The following RWDD3 variants were observed in gnomAD, a reference collection of about 807,000 sequenced individuals.
RWDD3 encodes the protein RWD domain containing 3.
Under a neutral mutation model 26.5 loss-of-function variants are expected in RWDD3, and 30 were observed. The observed-to-expected ratio is 1.13, with a 90% confidence interval of 0.85 to 1.54. The LOEUF (loss-of-function observed/expected upper bound fraction) is 1.54. Ranked by LOEUF, RWDD3 falls within the 40% of genes most tolerant of loss-of-function variation. The pLI is 0.00. For missense variants in RWDD3, 296 were observed against 309.1 expected (o/e 0.96, Z 0.32); for synonymous variants, 113 against 114.5 (o/e 0.99, Z 0.09).
At chr1:95,239,423 T>A (rs932925040) in intron 1 of RWDD3, among the ~76,000 whole-genome samples, 1 of 152,168 alleles carries the variant, frequency 6.6e-6, no homozygotes, top group African/African-American at 2.4e-5. Context: ...GTCAAGCAGA[T>A]GAGATATGGA....
At chr1:95,243,734 A>G (rs981948564) in intron 1 of RWDD3, among the ~76,000 whole-genome samples, 1 of 152,196 alleles carries the variant, frequency 6.6e-6, no homozygotes, top group Non-Finnish European at 1.5e-5. Flanking sequence ...CTGCAACCCT[A>G]CAACCACAGG....
intron 1 of RWDD3, chr1:95,243,169 T>C (rs79166260): frequency 6.6e-6 from 1 of 152,150 alleles, no homozygotes; most frequent in Non-Finnish European, 1.5e-5. Context: ...ATGTGTCTGG[T>C]CCTGTATGAA....
rs759009767 is a variant in RWDD3, at chr1:95,234,327, C to T, written c.85+12C>T. ...GCTGAGCCGCTCAGGTGACTACCCG[C>T]GCGCGGGAGGGACAGGGCGCCCTCA... On this transcript the variant is annotated intron_variant, in intron 1 of 3. Coordinates refer to ENST00000370202, the MANE Select transcript of RWDD3 (RefSeq NM_015485.5). The T allele has an allele frequency of 1.9e-6, 3 of 1,582,486 alleles. No individual in the cohort carries two copies. The highest frequency in any genetic ancestry group is 1.2e-5 in the South Asian group (1 of 86,512).
chr1:95,243,833 G>A (rs537704805), intron 1 of RWDD3, among the ~76,000 whole-genome samples: 1 of 152,208 alleles, frequency 6.6e-6, no homozygotes, highest in African/African-American at 2.4e-5. Context: ...TACTGATTTT[G>A]TATATATGTG....
chr1:95,241,235 A>G (rs1236437276), intron 1 of RWDD3, among the ~76,000 whole-genome samples: 1 of 152,172 alleles, frequency 6.6e-6, no homozygotes, highest in South Asian at 2.1e-4. Context: ...TCACTAACAC[A>G]CTTCCATGGA....
intron 1 of RWDD3, 49 bp downstream of exon 1, chr1:95,234,364 C>CA (rs1680188608): frequency 1.3e-6 from 2 of 1,526,240 alleles, no homozygotes; most frequent in African/African-American, 2.7e-5. Flanking sequence ...GGGCCACCCG[C>CA]GTTCGCTTTG....
chr1:95,234,506 C>T (rs1274483063), intron 1 of RWDD3, among the ~76,000 whole-genome samples, 191 bp downstream of exon 1: 1 of 152,070 alleles, frequency 6.6e-6, no homozygotes, highest in East Asian at 1.9e-4. Flanking sequence ...GAGGCGACCC[C>T]AGAAACACTA....
chr1:95,239,777 G>C lies in RWDD3; in HGVS notation c.86-4434G>C, dbSNP rs968307419. On this transcript the variant is annotated intron_variant, in intron 1 of 3. Transcript: ENST00000370202. The stretch of plus-strand genomic sequence containing the variant: ...CATTGCTATTCTGTTTGCTGACTAG[G>C]ACCAGAAAATAACACAGAGAAAAAT... The C allele has an allele frequency of 7.0e-6, 9 of 1,280,156 alleles. No individual in the cohort carries two copies. The Admixed American group carries it at 7.1e-5, about 10-fold the overall frequency. 79.3% of individuals were successfully genotyped at this position (1,280,156 alleles called of 1,614,324 possible).
chr1:95,234,520 G>C (rs1327110464), intron 1 of RWDD3, among the ~76,000 whole-genome samples: 1 of 152,024 alleles, frequency 6.6e-6, no homozygotes, highest in Admixed American at 6.5e-5. Flanking sequence ...AACACTAAGA[G>C]AGCGGCGCGG....
intron 1 of RWDD3, 61 bp from the exon 2 acceptor site, chr1:95,244,150 G>C: frequency 6.5e-7 from 1 of 1,545,144 alleles, no homozygotes; most frequent in Non-Finnish European, 8.7e-7. Flanking sequence ...GTTTGAACTT[G>C]CTGGTGTTCC....
In RWDD3 at chr1:95,246,545, T is replaced by C. The variant is rs535377737; in HGVS notation, c.577T>C (p.Tyr193His). 1 of 1,557,586 alleles carries C rather than the reference T, an allele frequency of 6.4e-7. No individual in the cohort carries two copies. Among genetic ancestry groups the C allele is most frequent in the African/African-American group, 1.4e-5 (1 of 73,604 alleles). ...AATGTACTGATTTATTATTTAGGAG[T>C]ACTTGATTCTTCAGAAAACCTCCAA... The part of the protein sequence containing the change: ...LQGDRNNLKE[Y>H]LILQKTSKVD... Residue 193 changes from tyrosine to histidine, a missense_variant, in exon 3 of 4, where the codon TAC becomes CAC. Tyr to His is a moderately conservative substitution (Grantham distance 83). Transcript: ENST00000370202.
chr1:95,236,959 G>T (rs908926962), intron 1 of RWDD3, among the ~76,000 whole-genome samples: 38 of 152,116 alleles, frequency 2.5e-4, no homozygotes, highest in African/African-American at 9.2e-4. Flanking sequence ...CCCTTTATCT[G>T]CTGTTAAATT....
At chr1:95,241,083 C>T (rs1680599041) in intron 1 of RWDD3, among the ~76,000 whole-genome samples, 1 of 151,524 alleles carries the variant, frequency 6.6e-6, no homozygotes, top group African/African-American at 2.4e-5. Context: ...AGCACAAGAC[C>T]AGTGATAGAG....
rs766695335 is a variant in RWDD3 at position 95,244,516 on chromosome 1, A to G, written c.391A>G (p.Thr131Ala). 2 of 1,614,196 alleles carry G rather than the reference A, an allele frequency of 1.2e-6. No homozygotes were observed. The highest frequency in any genetic ancestry group is 1.7e-6 in the Non-Finnish European group (2 of 1,180,020). Residue 131 changes from threonine (T) to alanine (A), a missense_variant, in exon 2 of 4, where the codon ACA becomes GCA. Coordinates refer to ENST00000370202, the MANE Select transcript of RWDD3 (RefSeq NM_015485.5). Reference sequence around the variant, plus strand: ...TGGCAGTGAAAAGTGTACTTTTTCAACAAGCACGACCATGGATGATGGATT... The same window carrying G: ...TGGCAGTGAAAAGTGTACTTTTTCAGCAAGCACGACCATGGATGATGGATT... ...GSGSEKCTFS[T>A]STTMDDGLWI... is the part of the protein sequence containing the mutation.
intron 1 of RWDD3, among the ~76,000 whole-genome samples, chr1:95,241,518 C>T (rs1680619797): frequency 6.6e-6 from 1 of 152,182 alleles, no homozygotes; most frequent in Non-Finnish European, 1.5e-5. Context: ...CCTTATATTG[C>T]TTAGGAAACA....
At chr1:95,238,705 C>T (rs1015435962) in intron 1 of RWDD3, among the ~76,000 whole-genome samples, 3 of 150,682 alleles carry the variant, frequency 2.0e-5, no homozygotes, top group African/African-American at 7.3e-5. Context: ...CCTGAAAAAC[C>T]CATTCTCTTA....
At position 95,246,898 on chromosome 1, in the gene RWDD3, A is replaced by G; in HGVS notation, c.*28A>G. 13 of 1,343,150 alleles carry G rather than the reference A, an allele frequency of 9.7e-6. No individual in the cohort carries two copies. The highest frequency in any genetic ancestry group is 1.3e-5 in the Non-Finnish European group (13 of 990,400). 83.2% of individuals were successfully genotyped at this position (1,343,150 alleles called of 1,614,324 possible). A position where few individuals can be genotyped will look rare whatever the true frequency, so the allele number is the denominator to read the frequency against. On this transcript the variant is annotated 3_prime_UTR_variant, in exon 4 of 4. Coordinates refer to ENST00000370202, the MANE Select transcript of RWDD3 (RefSeq NM_015485.5). ...TGGAAGACAGGAATCTTTTAGTAAA[A>G]TAGCAGTGTTTTTTGTTGTTTTTGC...
rs530914083 is a variant in RWDD3, at chr1:95,244,822, C to A, written c.573+124C>A. 1.5e-4 allele frequency: 167 copies of A among 1,096,384 alleles called. No homozygotes were observed. In the African/African-American group the frequency reaches 2.3e-3, roughly 15 times the overall value. 67.9% of individuals were successfully genotyped at this position (1,096,384 alleles called of 1,614,324 possible). ...TAAGATGTTTCTGCTTTCATTATTA[C>A]AATCTTAATGGATCTTCCTTTTCTT... On this transcript the variant is annotated intron_variant, in intron 2 of 3. Coordinates refer to ENST00000370202, the MANE Select transcript of RWDD3 (RefSeq NM_015485.5).
rs1376463313 is a variant in RWDD3, at chr1:95,244,443, G to T, written c.318G>T (p.Trp106Cys). ...CTATGGTTCATGAGCTGGTTCTCTG[G>T]ATTCAGCAGAATCTCAGGCATATCC... is the stretch of plus-strand genomic sequence containing the variant. ...SEPMVHELVL[W>C]IQQNLRHILS... Residue 106 changes from tryptophan to cysteine, a missense_variant, in exon 2 of 4, where the codon TGG (tryptophan) becomes TGT (cysteine). Physicochemically the swap from Trp to Cys is radical, Grantham distance 215. Coordinates refer to ENST00000370202, the MANE Select transcript of RWDD3 (RefSeq NM_015485.5). 1 of 1,614,184 alleles carries T rather than the reference G, an allele frequency of 6.2e-7. No individual in the cohort carries two copies. Among genetic ancestry groups the T allele is most frequent in the Non-Finnish European group, 8.5e-7 (1 of 1,180,028 alleles).
Sources: gnomAD v4.1 joint callset for allele counts (sites outside exome capture counted in the v4.1 genomes callset) on GRCh38, gnomAD v4.1.1 for gene constraint, MANE v1.5 for transcripts, NCBI Gene and HGNC (gene_info 2026-07-23, HGNC 2026-07-21) for gene names.